SWT1: variants seen among roughly 807,000 people sequenced by gnomAD.
SWT1 encodes transcriptional protein SWT1.
SWT1 carries 33 observed loss-of-function variants against 107.3 expected under a neutral mutation model. The ratio of observed to expected loss-of-function variants is 0.31; its 90% CI spans 0.23 to 0.41. The LOEUF (loss-of-function observed/expected upper bound fraction) is 0.41, where lower values mean the gene tolerates loss of function less well. SWT1 is among the 10% of genes least tolerant of loss of function. The probability of loss-of-function intolerance (pLI) is 1.00; values close to 1 mark genes in which losing one functional copy is unlikely to be tolerated. For missense variants in SWT1, 898 were observed against 1,028.9 expected (o/e 0.87, Z 1.74); for synonymous variants, 345 against 348.3 (o/e 0.99, Z 0.11).
At chr1:185,186,139 T>A (rs115517671) in intron 9 of SWT1, among the ~76,000 whole-genome samples, 2,074 of 152,302 alleles carry the variant, frequency 0.014, 18 homozygotes, top group Non-Finnish European at 0.022. Context: ...TGAGTTAATA[T>A]ATTAAACTAA....
chr1:185,272,918 C>T (rs761030078), intron 17 of SWT1, among the ~76,000 whole-genome samples: 1 of 151,820 alleles, frequency 6.6e-6, no homozygotes, highest in Non-Finnish European at 1.5e-5. Flanking sequence ...CACCTGTGGT[C>T]CCATCTCCTT....
intron 10 of SWT1, among the ~76,000 whole-genome samples, chr1:185,199,794 C>G (rs187849043): frequency 4.6e-4 from 70 of 152,218 alleles, no homozygotes; most frequent in Admixed American, 2.2e-3. Context: ...TTGGCCTGTC[C>G]TGCTAGGTTG....
chr1:185,262,296 T>C (rs1013688748), intron 16 of SWT1: 1 of 152,224 alleles, frequency 6.6e-6, no homozygotes, highest in African/African-American at 2.4e-5. Flanking sequence ...TTTGTCATAC[T>C]TGTTTCTGGC....
rs1655929464 is a variant in SWT1, at chr1:185,180,465, T to C, written c.1026+15T>C. 2.5e-6 allele frequency: 4 copies of C among 1,586,672 alleles called. No individual in the cohort carries two copies. Among genetic ancestry groups the C allele is most frequent in the Non-Finnish European group, 3.5e-6 (4 of 1,155,298 alleles). ...CAGATCAAGAGGTTATTGATATTCT[T>C]GTTTACTTTGATATTTTTAATGAAA... is the stretch of plus-strand genomic sequence containing the variant. On this transcript the variant is annotated intron_variant, in intron 6 of 18. Transcript: ENST00000367500.
At position 185,261,541 on chromosome 1, in the gene SWT1, A is replaced by G. The variant is rs117116823; in HGVS notation, c.2442-9782A>G. Among the ~76,000 whole-genome samples the G allele has an allele frequency of 8.5e-5, 13 of 152,268 alleles. No individual in the cohort carries two copies. The East Asian group carries it at 2.5e-3, about 29-fold the overall frequency. On this transcript the variant is annotated intron_variant, in intron 16 of 18. Transcript: ENST00000367500. ...CCAGAAGTACACTGGACCGTATGGT[A>G]ATCCTATTTTTAATATTGTCAGGAA...
chr1:185,251,943 C>G (rs963090702), intron 16 of SWT1, among the ~76,000 whole-genome samples: 3 of 151,848 alleles, frequency 2.0e-5, no homozygotes, highest in Non-Finnish European at 4.4e-5. Context: ...ATCCCTCCCC[C>G]CTCCACCCAC....
intron 16 of SWT1, among the ~76,000 whole-genome samples, chr1:185,238,071 C>T (rs1485270017): frequency 6.6e-6 from 1 of 151,562 alleles, no homozygotes; most frequent in Non-Finnish European, 1.5e-5. Flanking sequence ...ACTGTAGCAT[C>T]GAATTCCTGA....
chr1:185,169,602 T>C (rs552610667), intron 4 of SWT1, among the ~76,000 whole-genome samples: 1 of 152,174 alleles, frequency 6.6e-6, no homozygotes, highest in South Asian at 2.1e-4. Flanking sequence ...AGTAAAAATA[T>C]AAGCAAGAAG....
intron 10 of SWT1, among the ~76,000 whole-genome samples, chr1:185,199,326 G>A (rs1571482341): frequency 1.3e-5 from 2 of 152,284 alleles, no homozygotes; most frequent in South Asian, 4.1e-4. Flanking sequence ...ATTAGTTGAT[G>A]CAGTTTCTTC....
intron 16 of SWT1, among the ~76,000 whole-genome samples, chr1:185,233,702 T>C (rs1397407699): frequency 1.3e-5 from 2 of 152,184 alleles, no homozygotes. Flanking sequence ...TTGCATTTGC[T>C]GAAGAGTGTT....
chr1:185,193,724 C>T (rs1438801458), intron 10 of SWT1, among the ~76,000 whole-genome samples: 2 of 152,196 alleles, frequency 1.3e-5, no homozygotes, highest in African/African-American at 2.4e-5. Context: ...CTTGGCCTCC[C>T]AAAGTGCTGG....
At chr1:185,166,018 C>T (rs1157739382) in intron 2 of SWT1, among the ~76,000 whole-genome samples, 1 of 152,186 alleles carries the variant, frequency 6.6e-6, no homozygotes, top group South Asian at 2.1e-4. Flanking sequence ...ACTCCCAGCC[C>T]TTCCTGTTTC....
intron 16 of SWT1, among the ~76,000 whole-genome samples, chr1:185,240,827 T>G (rs1293252178): frequency 6.6e-6 from 1 of 152,106 alleles, no homozygotes; most frequent in Non-Finnish European, 1.5e-5. Flanking sequence ...ATATTTTGTT[T>G]TCTTATTAAA....
At chr1:185,217,987 C>T (rs189571870) in intron 14 of SWT1, among the ~76,000 whole-genome samples, 5 of 152,326 alleles carry the variant, frequency 3.3e-5, no homozygotes, top group African/African-American at 9.6e-5. Context: ...ACCATCCTCC[C>T]GCTTACCCGT....
chr1:185,166,386 G>A (rs1304876021), intron 2 of SWT1, among the ~76,000 whole-genome samples, 186 bp from the exon 3 acceptor site: 1 of 152,092 alleles, frequency 6.6e-6, no homozygotes, highest in African/African-American at 2.4e-5. Context: ...AGCATTTAGG[G>A]GTTCTGGCTT....
intron 16 of SWT1, among the ~76,000 whole-genome samples, chr1:185,246,746 C>T (rs1341012794): frequency 1.3e-5 from 2 of 150,776 alleles, no homozygotes; most frequent in East Asian, 2.0e-4. Context: ...TCTCCTGCCT[C>T]GGCCTCCTGA....
intron 16 of SWT1, among the ~76,000 whole-genome samples, chr1:185,248,573 C>T (rs1661773534): frequency 6.6e-6 from 1 of 152,096 alleles, no homozygotes; most frequent in South Asian, 2.1e-4. Flanking sequence ...TTTCTACACT[C>T]CCCCTCTGGT....
chr1:185,207,568 A>G (rs1211870704), intron 13 of SWT1, among the ~76,000 whole-genome samples: 1 of 152,262 alleles, frequency 6.6e-6, no homozygotes, highest in African/African-American at 2.4e-5. Flanking sequence ...TGAAACAGTA[A>G]GTGACTTGTT....
chr1:185,204,283 A>G (rs1287309279), intron 11 of SWT1, among the ~76,000 whole-genome samples: 2 of 150,630 alleles, frequency 1.3e-5, no homozygotes, highest in South Asian at 4.2e-4. Context: ...TCTCAAAAGA[A>G]AAAAAAAAAG....
Sources: allele counts gnomAD v4.1 joint callset (sites outside exome capture counted in the v4.1 genomes callset), GRCh38; gene constraint gnomAD v4.1.1; transcripts MANE v1.5; gene names NCBI Gene and HGNC (gene_info 2026-07-23, HGNC 2026-07-21).